SMURF2: variants seen among roughly 807,000 people sequenced by gnomAD.
The protein encoded by SMURF2 is E3 ubiquitin-protein ligase SMURF2.
Under a neutral mutation model 109.6 loss-of-function variants are expected in SMURF2, and 48 were observed. The observed-to-expected ratio is 0.44, with a 90% CI of 0.35 to 0.56. The LOEUF is 0.56. SMURF2 is among the 20% of genes least tolerant of loss of function. The pLI is 0.01. For synonymous variants in SMURF2, 288 were observed against 317.1 expected, an observed-to-expected ratio of 0.91 and a Z score of 0.97; for missense variants, 575 against 909.0, an observed-to-expected ratio of 0.63 and a Z score of 4.72.
chr17:64,545,735 G>GT lies in SMURF2; in HGVS notation c.*112_*113insA. 1.1e-5 allele frequency: 1 copy of GT among 91,994 alleles called. No individual in the cohort carries two copies. Among genetic ancestry groups the GT allele is most frequent in the Non-Finnish European group, 1.6e-5 (1 of 61,530 alleles). The allele number at this position is 91,994 out of a possible 1,614,324, so 5.7% of individuals were successfully genotyped here. A position where few individuals can be genotyped will look rare whatever the true frequency, so the allele number is the denominator to read the frequency against. ...AAAATGTAAAAAAAAAAAAAAAAAG[G>GT]GGGGGGGGGGGAGTGTTTTCCTGTA... On this transcript the variant is annotated 3_prime_UTR_variant, in exon 19 of 19. Coordinates refer to ENST00000262435, the MANE Select transcript of SMURF2 (RefSeq NM_022739.4).
intron 1 of SMURF2, among the ~76,000 whole-genome samples, chr17:64,648,610 A>G (rs1368684719): frequency 1.3e-5 from 2 of 152,256 alleles, no homozygotes; most frequent in East Asian, 1.9e-4. Context: ...CATTTCTACA[A>G]AAAATTTAAA....
At chr17:64,659,709 A>G (rs1182230135) in intron 1 of SMURF2, among the ~76,000 whole-genome samples, 4 of 152,152 alleles carry the variant, frequency 2.6e-5, no homozygotes, top group Admixed American at 6.6e-5. Flanking sequence ...ATGTCCTAAA[A>G]AGCTGCTAAT....
chr17:64,585,093 A>C (rs1447584842), intron 6 of SMURF2, among the ~76,000 whole-genome samples: 5 of 152,250 alleles, frequency 3.3e-5, no homozygotes, highest in Admixed American at 1.3e-4. Flanking sequence ...AATTGGAGTT[A>C]AAATTTAACC....
intron 9 of SMURF2, among the ~76,000 whole-genome samples, chr17:64,576,455 G>C (rs543278126): frequency 1.0e-3 from 157 of 151,968 alleles, no homozygotes; most frequent in Non-Finnish European, 1.9e-3. Flanking sequence ...CCTGAGGTCA[G>C]GTGCTCAAGA....
At chr17:64,656,663 G>C (rs1290496807) in intron 1 of SMURF2, among the ~76,000 whole-genome samples, 1 of 150,382 alleles carries the variant, frequency 6.6e-6, no homozygotes, top group African/African-American at 2.5e-5. Context: ...TAAAAAAAAA[G>C]AATCCTTAAA....
chr17:64,591,140 A>G lies in SMURF2; in HGVS notation c.344T>C (p.Leu115Ser). ...ATTTGGCCCGAGTTTGCATAAATCCAACCTCTGATCTATTTGAAGTCAACA... is the reference window on the plus strand; with the variant it reads ...ATTTGGCCCGAGTTTGCATAAATCCGACCTCTGATCTATTTGAAGTCAACA... ...NRLKDTGYQRLDLCKLGPNDN... is the reference protein window; with the variant it reads ...NRLKDTGYQRSDLCKLGPNDN... Residue 115 changes from leucine (L) to serine (S), a missense_variant, in exon 5 of 19, where the codon TTG becomes TCG. Around this residue, in one of 5 missense-constraint regions of SMURF2, gnomAD observed 151 missense variants for 178.4 expected, o/e 0.85. Coordinates refer to ENST00000262435, the MANE Select transcript of SMURF2 (RefSeq NM_022739.4). 1 of 1,612,856 alleles carries G rather than the reference A, an allele frequency of 6.2e-7. No homozygotes were observed.
rs187535801 is a variant in SMURF2 at position 64,565,467 on chromosome 17, A to G, written c.1017-2501T>C. ...GATCTGATAAGCAGGGAAAAGACTC[A>G]AATTGTAATCCCCTTGCCCATAAGT... On this transcript the variant is annotated intron_variant, in intron 10 of 18. Coordinates refer to ENST00000262435, the MANE Select transcript of SMURF2 (RefSeq NM_022739.4). Among the ~76,000 whole-genome samples, 463 of 152,322 alleles carry G rather than the reference A, an allele frequency of 3.0e-3. 2 individuals are homozygous for G. Among genetic ancestry groups the G allele is most frequent in the African/African-American group, 0.011 (450 of 41,562 alleles).
rs577973821 is a variant in SMURF2, at chr17:64,549,262, C to CAAA, written c.1870-1464_1870-1462dup. Among the ~76,000 whole-genome samples the CAAA allele has an allele frequency of 4.0e-3, 167 of 41,418 alleles. 3 individuals carry two copies. Among genetic ancestry groups the CAAA allele is most frequent in the African/African-American group, 0.012 (147 of 11,990 alleles). The allele number at this position is 41,418 out of a possible 152,430, so 27.2% of individuals were successfully genotyped here. A position where few individuals can be genotyped will look rare whatever the true frequency, so the allele number is the denominator to read the frequency against. On this transcript the variant is annotated intron_variant, in intron 16 of 18. Coordinates refer to ENST00000262435, the MANE Select transcript of SMURF2 (RefSeq NM_022739.4). ...TGGGGGACAAGTGAGACTGTGTCTCCAAAAAAAAAAAAAAAAAAAAAAAAA... is the reference window on the plus strand; with the variant it reads ...TGGGGGACAAGTGAGACTGTGTCTCCAAAAAAAAAAAAAAAAAAAAAAAAAAAA...
intron 1 of SMURF2, among the ~76,000 whole-genome samples, chr17:64,654,777 C>T (rs1362210335): frequency 6.6e-6 from 1 of 151,994 alleles, no homozygotes; most frequent in African/African-American, 2.4e-5. Flanking sequence ...TGCAGTGAGC[C>T]GAGATGGCGC....
At chr17:64,659,129 C>T (rs1205086139) in intron 1 of SMURF2, among the ~76,000 whole-genome samples, 1 of 152,092 alleles carries the variant, frequency 6.6e-6, no homozygotes, top group African/African-American at 2.4e-5. Flanking sequence ...AATATTTCCT[C>T]TTCTTCAGAG....
chr17:64,600,126 C>G (rs1555688425), intron 2 of SMURF2, among the ~76,000 whole-genome samples: 1 of 151,790 alleles, frequency 6.6e-6, no homozygotes, highest in Non-Finnish European at 1.5e-5. Flanking sequence ...TAGAGGCAGA[C>G]CATATATGAA....
At chr17:64,614,319 C>T (rs1350622452) in intron 1 of SMURF2, among the ~76,000 whole-genome samples, 6 of 152,138 alleles carry the variant, frequency 3.9e-5, no homozygotes, top group African/African-American at 1.4e-4. Context: ...TGTGTTAAAG[C>T]AAAACATTAT....
In SMURF2 at chr17:64,607,623, CAAAAA is replaced by C. The variant is rs59894966; in HGVS notation, c.53-988_53-984del. ...CCTGGGCTACAGAGCAAGACTGTCT[CAAAAA>C]AAAAAAAAAAGGATTTTATAGTATA... On this transcript the variant is annotated intron_variant, in intron 1 of 18. Transcript: ENST00000262435. Among the ~76,000 whole-genome samples the C allele has an allele frequency of 2.6e-4, 26 of 99,910 alleles. No homozygotes were observed. In the East Asian group the frequency reaches 7.3e-3, roughly 28 times the overall value. 65.5% of individuals were successfully genotyped at this position (99,910 alleles called of 152,430 possible). A position where few individuals can be genotyped will look rare whatever the true frequency, so the allele number is the denominator to read the frequency against.
chr17:64,611,566 A>G, intron 1 of SMURF2, among the ~76,000 whole-genome samples: 1 of 152,144 alleles, frequency 6.6e-6, no homozygotes, highest in Non-Finnish European at 1.5e-5. Flanking sequence ...CCCTCCTGAC[A>G]TCCTGACAAT....
chr17:64,633,854 TA>T (rs1246143396), intron 1 of SMURF2, among the ~76,000 whole-genome samples: 1 of 151,630 alleles, frequency 6.6e-6, no homozygotes, highest in African/African-American at 2.4e-5. Flanking sequence ...AAAGTTACTG[TA>T]AAAACATAAA....
intron 16 of SMURF2, among the ~76,000 whole-genome samples, chr17:64,550,282 A>G (rs947168974): frequency 2.0e-5 from 3 of 152,246 alleles, no homozygotes; most frequent in African/African-American, 7.2e-5. Context: ...TCAAATTATT[A>G]GTAGACTTCA....
At chr17:64,585,365 C>T (rs1253719939) in intron 6 of SMURF2, among the ~76,000 whole-genome samples, 3 of 152,172 alleles carry the variant, frequency 2.0e-5, no homozygotes, top group Admixed American at 1.3e-4. Flanking sequence ...ATAATAGTAG[C>T]TAATTATTTA....
intron 5 of SMURF2, among the ~76,000 whole-genome samples, chr17:64,588,091 CAAAAA>C: frequency 1.5e-5 from 1 of 68,890 alleles, no homozygotes; most frequent in Admixed American, 1.4e-4. Context: ...GTTTATGGTC[CAAAAA>C]AAAAAAAAAA....
Position 64,554,851 on chromosome 17 carries a change from T to C in SMURF2, c.1748+5A>G, listed in dbSNP as rs920881297. The C allele has an allele frequency of 3.1e-6, 5 of 1,612,754 alleles. No homozygotes were observed. The Admixed American group carries it at 5.0e-5, about 16-fold the overall frequency. ...ATTCAGCCTTGAGAACACAGGAGTGTTTACCTGACATATTCTTTTTTATTT... is the reference window on the plus strand; with the variant it reads ...ATTCAGCCTTGAGAACACAGGAGTGCTTACCTGACATATTCTTTTTTATTT... On this transcript the variant is annotated splice_donor_5th_base_variant and intron_variant, in intron 15 of 18. Transcript: ENST00000262435.
Sources: gnomAD v4.1 joint callset for allele counts (sites outside exome capture counted in the v4.1 genomes callset) on GRCh38, gnomAD v4.1.1 for gene constraint, gnomAD v4.1.1 regional missense constraint, MANE v1.5 for transcripts, NCBI Gene and HGNC (gene_info 2026-07-23, HGNC 2026-07-21) for gene names.